Variants in NOS1 observed in about 807,000 individuals in gnomAD.
NOS1 encodes NOS type I.
NOS1 carries 51 observed loss-of-function variants against 164.5 expected under a neutral mutation model. The ratio of observed to expected loss-of-function variants is 0.31; its 90% CI spans 0.25 to 0.39. The LOEUF (loss-of-function observed/expected upper bound fraction) is 0.39. Ranked by LOEUF, NOS1 falls within the 10% of genes least tolerant of loss-of-function variation. The pLI is 1.00. For synonymous variants in NOS1, 719 were observed against 745.8 expected (o/e 0.96, Z 0.59); for missense variants, 1,362 against 1,885.6 (o/e 0.72, Z 5.14).
At chr12:117,269,524 T>C (rs1175381239) in intron 10 of NOS1, among the ~76,000 whole-genome samples, 1 of 138,668 alleles carries the variant, frequency 7.2e-6, no homozygotes, top group Non-Finnish European at 1.5e-5. Context: ...TGGAGTGCAG[T>C]GTCGTGATCT....
At chr12:117,354,748 T>C (rs979814070) in intron 1 of NOS1, among the ~76,000 whole-genome samples, 6 of 152,166 alleles carry the variant, frequency 3.9e-5, no homozygotes. Flanking sequence ...TTGGACACCA[T>C]GAGCTACCTT....
At chr12:117,303,416 C>T (rs75787233) in intron 3 of NOS1, among the ~76,000 whole-genome samples, 6 of 152,134 alleles carry the variant, frequency 3.9e-5, no homozygotes, top group Non-Finnish European at 7.4e-5. Flanking sequence ...GCAAGCCCTG[C>T]GTCCCCAGGG....
At chr12:117,227,375 A>G in intron 23 of NOS1, 56 bp downstream of exon 23, 1 of 1,565,402 alleles carries the variant, frequency 6.4e-7, no homozygotes, top group African/African-American at 1.4e-5. Context: ...GGAACCCTCC[A>G]GAGGCCCCTT....
chr12:117,249,643 C>T (rs1202218106), intron 17 of NOS1, among the ~76,000 whole-genome samples: 3 of 152,118 alleles, frequency 2.0e-5, no homozygotes, highest in Non-Finnish European at 4.4e-5. Context: ...CTTGTAAGGT[C>T]TATGAAATTA....
At chr12:117,255,944 G>A (rs754118866) in intron 16 of NOS1, 1 of 1,492,420 alleles carries the variant, frequency 6.7e-7, no homozygotes, top group Non-Finnish European at 8.9e-7. Flanking sequence ...ACCTGTGCTG[G>A]CTGTCACGGG....
chr12:117,319,438 G>A (rs528148780), intron 2 of NOS1, among the ~76,000 whole-genome samples: 1 of 152,328 alleles, frequency 6.6e-6, no homozygotes, highest in Non-Finnish European at 1.5e-5. Context: ...TCACAATTGT[G>A]ACTTAATTGC....
At chr12:117,290,242 A>G in intron 4 of NOS1, 56 bp downstream of exon 4, 3 of 1,601,142 alleles carry the variant, frequency 1.9e-6, no homozygotes, top group South Asian at 2.2e-5. Context: ...CCGACTCCAA[A>G]TGTGGATAGT....
intron 1 of NOS1, among the ~76,000 whole-genome samples, chr12:117,357,604 G>A (rs925060791): frequency 2.6e-5 from 4 of 152,112 alleles, no homozygotes; most frequent in Non-Finnish European, 4.4e-5. Context: ...TTTGTACAAC[G>A]AGGGTGACAG....
At chr12:117,268,508 A>T (rs10850806) in intron 10 of NOS1, among the ~76,000 whole-genome samples, 1 of 151,452 alleles carries the variant, frequency 6.6e-6, no homozygotes, top group Non-Finnish European at 1.5e-5. Flanking sequence ...CTGGGATTAC[A>T]GGCGTGAGGC....
chr12:117,311,402 C>G (rs1398342163), intron 3 of NOS1, 64 bp downstream of exon 3: 2 of 1,507,954 alleles, frequency 1.3e-6, no homozygotes, highest in Non-Finnish European at 1.8e-6. Context: ...CCTCAGCTTC[C>G]CACCTGGGAG....
At chr12:117,250,522 T>A (rs1871013413) in intron 17 of NOS1, among the ~76,000 whole-genome samples, 1 of 151,894 alleles carries the variant, frequency 6.6e-6, no homozygotes, top group Non-Finnish European at 1.5e-5. Context: ...AGAGATGGGG[T>A]TTCACCATGT....
intron 7 of NOS1, among the ~76,000 whole-genome samples, chr12:117,282,601 G>A (rs1164198472): frequency 6.6e-6 from 1 of 152,172 alleles, no homozygotes; most frequent in Non-Finnish European, 1.5e-5. Context: ...AACGTAGCAT[G>A]TAATTCTGCT....
chr12:117,208,412 G>GTGTGTGTGTGTGTGTGTA lies in NOS1; in HGVS notation c.*6896_*6897insTACACACACACACACACA, dbSNP rs1956474517. ...ACAGCGTGTGTGTGTGTGTGTGTGT[G>GTGTGTGTGTGTGTGTGTA]TGTGTGTGTGGTGAGATGCGACCAG... is the stretch of plus-strand genomic sequence containing the variant. On this transcript the variant is annotated 3_prime_UTR_variant, in exon 29 of 29. Coordinates refer to ENST00000317775, the MANE Select transcript of NOS1 (RefSeq NM_000620.5). 7.8e-7 allele frequency: 1 copy of GTGTGTGTGTGTGTGTGTA among 1,286,742 alleles called. No homozygotes were observed. Among genetic ancestry groups the GTGTGTGTGTGTGTGTGTA allele is most frequent in the African/African-American group, 1.5e-5 (1 of 65,676 alleles). The allele number at this position is 1,286,742 out of a possible 1,614,324, so 79.7% of individuals were successfully genotyped here.
Position 117,290,568 on chromosome 12 carries a change from C to T in NOS1, c.853-142G>A. ...TGTCTACATCCAGAGTAAGATCCAG[C>T]CCTTCCTGCTTGACATGTACAAGGT... is the stretch of plus-strand genomic sequence containing the variant. On this transcript the variant is annotated intron_variant, in intron 3 of 28. Transcript: ENST00000317775. 2.9e-6 allele frequency: 3 copies of T among 1,041,714 alleles called. 1 individual carries two copies. The South Asian group carries it at 5.4e-5, about 19-fold the overall frequency. 64.5% of individuals were successfully genotyped at this position (1,041,714 alleles called of 1,614,324 possible).
chr12:117,350,987 G>T (rs985199028), intron 1 of NOS1, among the ~76,000 whole-genome samples: 1 of 152,276 alleles, frequency 6.6e-6, no homozygotes, highest in South Asian at 2.1e-4. Context: ...GTTGGCGGGC[G>T]CCTGTAGTCC....
At chr12:117,222,269 T>G (rs1956719157) in intron 26 of NOS1, among the ~76,000 whole-genome samples, 1 of 152,126 alleles carries the variant, frequency 6.6e-6, no homozygotes, top group Non-Finnish European at 1.5e-5. Flanking sequence ...CACATATATA[T>G]TTTTGAGATG....
chr12:117,232,059 A>G lies in NOS1; in HGVS notation c.3308T>C (p.Leu1103Pro), dbSNP rs1195048665. 6.2e-7 allele frequency: 1 copy of G among 1,612,392 alleles called. No individual in the cohort carries two copies. The highest frequency in any genetic ancestry group is 8.5e-7 in the Non-Finnish European group (1 of 1,180,014). The stretch of plus-strand genomic sequence containing the variant: ...AGGCGTTGGTGGCGTGGTGATGTCC[A>G]GGTAGTACTTGAAGGCCTGGAAGAT... ...CTIFQAFKYY[L>P]DITTPPTPLQ... The change falls in exon 22 of 29, where the codon CTG (leucine) becomes CCG (proline). Residue 1103 changes from leucine (L) to proline (P), a missense_variant. Physicochemically the swap from Leu to Pro is moderately conservative, Grantham distance 98. Transcript: ENST00000317775.
intron 1 of NOS1, among the ~76,000 whole-genome samples, chr12:117,335,729 TGAGA>T (rs60613906): frequency 0.013 from 1,519 of 112,576 alleles, 42 homozygotes; most frequent in African/African-American, 0.049. Flanking sequence ...ACAGACTATA[TGAGA>T]GAGAGAGAGA....
chr12:117,312,956 C>A (rs1250662501), intron 2 of NOS1, among the ~76,000 whole-genome samples: 3 of 152,116 alleles, frequency 2.0e-5, no homozygotes, highest in East Asian at 1.9e-4. Flanking sequence ...TTGTTACCAT[C>A]ATGATTATTG....
Sources: gnomAD v4.1 joint callset for allele counts (sites outside exome capture counted in the v4.1 genomes callset) on GRCh38, gnomAD v4.1.1 for gene constraint, MANE v1.5 for transcripts, NCBI Gene and HGNC (gene_info 2026-07-23, HGNC 2026-07-21) for gene names.